Variants in MYH11 observed in about 807,000 individuals in gnomAD.
The protein encoded by MYH11 is myosin-11.
MYH11 carries 80 observed loss-of-function variants against 246.6 expected under a neutral mutation model. The ratio of observed to expected loss-of-function variants is 0.32; its 90% CI spans 0.27 to 0.39. MYH11 has a LOEUF of 0.39. MYH11 is among the 10% of genes least tolerant of loss of function. The pLI is 1.00. For synonymous variants in MYH11, 1,071 were observed against 1,015.5 expected (o/e 1.05, Z -1.04); for missense variants, 2,158 against 2,546.8 (o/e 0.85, Z 3.29).
At position 15,720,770 on chromosome 16, in the gene MYH11, A is replaced by G. The variant is rs569768298; in HGVS notation, c.4791+69T>C. 137 of 1,492,288 alleles carry G rather than the reference A, an allele frequency of 9.2e-5. No homozygotes were observed. In the East Asian group the frequency reaches 2.8e-3, roughly 30 times the overall value. The allele number at this position is 1,492,288 out of a possible 1,614,324, so 92.4% of individuals were successfully genotyped here. On this transcript the variant is annotated intron_variant, in intron 33 of 40. Coordinates refer to ENST00000300036, the MANE Select transcript of MYH11 (RefSeq NM_002474.3). ...AGAAAACGAAGTTTCCACACCAACC[A>G]TGAGAGTGGTGATAGGAATGAAAAA...
chr16:15,828,851 G>A (rs1385452697), intron 2 of MYH11, among the ~76,000 whole-genome samples: 2 of 67,998 alleles, frequency 2.9e-5, no homozygotes, highest in Admixed American at 2.3e-4. Context: ...AAAGAGAGAT[G>A]AGAGATAGAG....
At chr16:15,722,556 T>C (rs1323548163) in intron 31 of MYH11, among the ~76,000 whole-genome samples, 1 of 151,902 alleles carries the variant, frequency 6.6e-6, no homozygotes, top group Non-Finnish European at 1.5e-5. Flanking sequence ...GACAGGAAAA[T>C]AAAAGCAACC....
At chr16:15,803,949 G>A (rs931313057) in intron 3 of MYH11, among the ~76,000 whole-genome samples, 1 of 152,178 alleles carries the variant, frequency 6.6e-6, no homozygotes, top group African/African-American at 2.4e-5. Flanking sequence ...ACGAGCAGAA[G>A]GACTCCATGT....
In MYH11 at chr16:15,833,385, G is replaced by GGAAGGAAGGA. The variant is rs1567208143; in HGVS notation, c.345+4522_345+4523insTCCTTCCTTC. Among the ~76,000 whole-genome samples, 277 of 110,586 alleles carry GGAAGGAAGGA rather than the reference G, an allele frequency of 2.5e-3. 1 individual carries two copies. The highest frequency in any genetic ancestry group is 7.9e-3 in the African/African-American group (257 of 32,478). The allele number at this position is 110,586 out of a possible 152,430, so 72.5% of individuals were successfully genotyped here. Reference sequence around the variant, plus strand: ...AGAAAGAGAGAGGGAGGGAGGGAGGGAGGAAGGAAGGAAGGAAGGAAGGAA... The same window carrying GGAAGGAAGGA: ...AGAAAGAGAGAGGGAGGGAGGGAGGGGAAGGAAGGAAGGAAGGAAGGAAGGAAGGAAGGAA... On this transcript the variant is annotated intron_variant, in intron 2 of 40. Coordinates refer to ENST00000300036, the MANE Select transcript of MYH11 (RefSeq NM_002474.3).
At chr16:15,755,236 C>A (rs1323516454) in intron 14 of MYH11, among the ~76,000 whole-genome samples, 1 of 152,174 alleles carries the variant, frequency 6.6e-6, no homozygotes, top group Non-Finnish European at 1.5e-5. Context: ...GTCCTTTGTA[C>A]ATTATCCAGG....
At chr16:15,719,138 A>T (rs543293445) in intron 36 of MYH11, 82 bp downstream of exon 36, 9 of 1,417,490 alleles carry the variant, frequency 6.3e-6, no homozygotes, top group Admixed American at 1.8e-5. Context: ...GAAAAAATTT[A>T]AAAAATAAAA....
chr16:15,798,219 CCAAT>C (rs768834827), intron 4 of MYH11, among the ~76,000 whole-genome samples: 36 of 152,130 alleles, frequency 2.4e-4, no homozygotes, highest in Admixed American at 6.6e-4. Context: ...AACAGTGATA[CCAAT>C]CACCAAATAT....
At chr16:15,798,118 T>G (rs2042787230) in intron 4 of MYH11, among the ~76,000 whole-genome samples, 1 of 152,212 alleles carries the variant, frequency 6.6e-6, no homozygotes, top group Admixed American at 6.5e-5. Flanking sequence ...TTAATATATG[T>G]TACTTGCATA....
intron 40 of MYH11, among the ~76,000 whole-genome samples, chr16:15,708,237 A>G (rs2039573057): frequency 6.6e-6 from 1 of 152,128 alleles, no homozygotes; most frequent in South Asian, 2.1e-4. Context: ...CAGTGAGCTC[A>G]TTTCCTTCGC....
chr16:15,736,835 A>T (rs1366350849), intron 25 of MYH11, among the ~76,000 whole-genome samples: 1 of 152,198 alleles, frequency 6.6e-6, no homozygotes, highest in Non-Finnish European at 1.5e-5. Flanking sequence ...GTATTGCTTG[A>T]AAAGAACTTA....
intron 8 of MYH11, 93 bp downstream of exon 8, chr16:15,775,985 T>C: frequency 1.1e-6 from 1 of 926,852 alleles, no homozygotes; most frequent in South Asian, 1.3e-5. Context: ...TGGCAGGATC[T>C]GAGACTGTTT....
chr16:15,783,437 C>T (rs1221932396), intron 5 of MYH11: 1 of 152,312 alleles, frequency 6.6e-6, no homozygotes, highest in Non-Finnish European at 1.5e-5. Flanking sequence ...GCTAGGAAGG[C>T]ATCAGGGTAC....
At chr16:15,812,551 T>TAAAAAAAAAAAAAAAAAAAA (rs71134466) in intron 3 of MYH11, among the ~76,000 whole-genome samples, 1 of 37,400 alleles carries the variant, frequency 2.7e-5, no homozygotes, top group Non-Finnish European at 4.4e-5. Flanking sequence ...ATCTTATCTC[T>TAAAAAAAAAAAAAAAAAAAA]AAAAAAAAAA....
chr16:15,836,113 T>G (rs531618244), intron 2 of MYH11, among the ~76,000 whole-genome samples: 3 of 152,080 alleles, frequency 2.0e-5, no homozygotes, highest in Non-Finnish European at 2.9e-5. Flanking sequence ...TTCAGAGGCA[T>G]GAGGTAACCT....
intron 19 of MYH11, among the ~76,000 whole-genome samples, 192 bp downstream of exon 19, chr16:15,747,378 G>A (rs1052856804): frequency 5.9e-5 from 9 of 152,054 alleles, no homozygotes; most frequent in Admixed American, 1.3e-4. Flanking sequence ...TCTAAAACTC[G>A]TTCCCTTCCT....
At chr16:15,716,284 C>T (rs1268051735) in intron 38 of MYH11, among the ~76,000 whole-genome samples, 5 of 152,022 alleles carry the variant, frequency 3.3e-5, no homozygotes, top group Non-Finnish European at 7.4e-5. Context: ...CTGTGGTGAT[C>T]GTTTTTACAT....
intron 4 of MYH11, among the ~76,000 whole-genome samples, chr16:15,789,261 G>T (rs1011835788): frequency 4.6e-5 from 7 of 152,080 alleles, no homozygotes; most frequent in African/African-American, 1.7e-4. Flanking sequence ...ACCCTCTAGG[G>T]ACTTGCTTTC....
intron 1 of MYH11, among the ~76,000 whole-genome samples, chr16:15,852,137 AC>A (rs1188042401): frequency 6.6e-6 from 1 of 151,940 alleles, no homozygotes; most frequent in African/African-American, 2.4e-5. Context: ...TGCCAACTCC[AC>A]CTGCAAGGGA....
intron 3 of MYH11, among the ~76,000 whole-genome samples, chr16:15,810,838 T>C (rs79205960): frequency 0.11 from 17,178 of 152,228 alleles, 1,104 homozygotes; most frequent in East Asian, 0.15. Flanking sequence ...AGCTTGGTAA[T>C]TGCCGTTAAT....
Sources: allele counts gnomAD v4.1 joint callset (sites outside exome capture counted in the v4.1 genomes callset), GRCh38; gene constraint gnomAD v4.1.1; transcripts MANE v1.5; gene names NCBI Gene and HGNC (gene_info 2026-07-23, HGNC 2026-07-21).